Variants in UCK2 observed in about 807,000 individuals in gnomAD.
UCK2 encodes cytidine monophosphokinase 2.
A neutral mutation model predicts 30.8 loss-of-function variants in UCK2; 6 were observed. The observed-to-expected ratio is 0.19, with a 90% CI of 0.11 to 0.38. The LOEUF is 0.38. Among genes scored for constraint, UCK2 ranks in the 10% least tolerant of loss-of-function variants. The pLI is 1.00. For synonymous variants in UCK2, 125 were observed against 133.6 expected (o/e 0.94, Z 0.45); for missense variants, 210 against 339.8 (o/e 0.62, Z 3.00).
At position 165,836,914 on chromosome 1, in the gene UCK2, C is replaced by T. The variant is rs1039069094; in HGVS notation, c.99+8982C>T. Among the ~76,000 whole-genome samples, 7 of 152,142 alleles carry T rather than the reference C, an allele frequency of 4.6e-5. No individual in the cohort carries two copies. In the South Asian group the frequency reaches 1.0e-3, roughly 23 times the overall value. On this transcript the variant is annotated intron_variant, in intron 1 of 6. Transcript: ENST00000367879. Reference sequence around the variant, plus strand: ...CAAGATTGAGTGCCTGACACCTGGCCTTTTTGCTGTGTCATGGTCATCCCG... The same window carrying T: ...CAAGATTGAGTGCCTGACACCTGGCTTTTTTGCTGTGTCATGGTCATCCCG...
chr1:165,841,083 G>A (rs1654317274), intron 1 of UCK2, among the ~76,000 whole-genome samples: 1 of 140,168 alleles, frequency 7.1e-6, no homozygotes, highest in South Asian at 2.4e-4. Context: ...ATATATATTT[G>A]TGTGTGCACA....
intron 1 of UCK2, among the ~76,000 whole-genome samples, chr1:165,861,079 G>T (rs12121204): frequency 6.6e-6 from 1 of 151,804 alleles, no homozygotes; most frequent in South Asian, 2.1e-4. Context: ...TCTGGTGGGG[G>T]GCCCATTCTC....
intron 1 of UCK2, among the ~76,000 whole-genome samples, chr1:165,849,487 A>G (rs1252267877): frequency 6.6e-6 from 1 of 152,168 alleles, no homozygotes; most frequent in African/African-American, 2.4e-5. Flanking sequence ...TCTGGCCTCT[A>G]AGATTGAGAG....
intron 1 of UCK2, among the ~76,000 whole-genome samples, chr1:165,867,756 T>G (rs1003498629): frequency 3.3e-5 from 5 of 152,392 alleles, no homozygotes; most frequent in Admixed American, 1.3e-4. Context: ...CTTACTCCAC[T>G]GAAGTCTTGA....
chr1:165,865,762 A>G (rs1655030313), intron 1 of UCK2, among the ~76,000 whole-genome samples: 1 of 152,176 alleles, frequency 6.6e-6, no homozygotes, highest in Non-Finnish European at 1.5e-5. Flanking sequence ...CAGAGCTTGG[A>G]AGCCAGGGTC....
Position 165,827,894 on chromosome 1 carries a change from T to C in UCK2, c.61T>C (p.Phe21Leu). 6.8e-7 allele frequency: 1 copy of C among 1,475,974 alleles called. No homozygotes were observed. The highest frequency in any genetic ancestry group is 9.0e-7 in the Non-Finnish European group (1 of 1,106,214). 91.4% of individuals were successfully genotyped at this position (1,475,974 alleles called of 1,614,324 possible). A position where few individuals can be genotyped will look rare whatever the true frequency, so the allele number is the denominator to read the frequency against. ...NHQQPNGGEP[F>L]LIGVSGGTAS... ...CCAGCAGCCCAACGGCGGCGAGCCC[T>C]TCCTTATAGGCGTCAGCGGGGGAAC... The change falls in exon 1 of 7, where the codon TTC becomes CTC. Residue 21 changes from phenylalanine to leucine, a missense_variant. Transcript: ENST00000367879.
chr1:165,834,847 C>A (rs1457287407), intron 1 of UCK2, among the ~76,000 whole-genome samples: 2 of 152,144 alleles, frequency 1.3e-5, no homozygotes, highest in Non-Finnish European at 2.9e-5. Flanking sequence ...AGGTGACCAG[C>A]AGGCAGTACT....
intron 1 of UCK2, among the ~76,000 whole-genome samples, chr1:165,879,591 C>T (rs1244289338): frequency 1.7e-4 from 18 of 103,496 alleles, no homozygotes; most frequent in Non-Finnish European, 1.6e-4. Flanking sequence ...GTAGATTAGC[C>T]CTGAAAATTT....
At chr1:165,842,569 A>G (rs1248828064) in intron 1 of UCK2, among the ~76,000 whole-genome samples, 3 of 152,006 alleles carry the variant, frequency 2.0e-5, no homozygotes, top group South Asian at 2.1e-4. Context: ...GGTGCAGTCA[A>G]TCTTGCTTTC....
At chr1:165,884,612 G>A (rs1655575690) in intron 1 of UCK2, among the ~76,000 whole-genome samples, 1 of 152,160 alleles carries the variant, frequency 6.6e-6, no homozygotes, top group Non-Finnish European at 1.5e-5. Context: ...TACCCTGCTT[G>A]TTTTCTTTTA....
At position 165,911,587 on chromosome 1, in the gene UCK2, A is replaced by G. The variant is rs1647860642; in HGVS notation, c.*3764A>G. ...GTTACAAAGTGACCACATATTATGT[A>G]CTTTGCTGTAAATAAAGACAGACAA... On this transcript the variant is annotated 3_prime_UTR_variant, in exon 7 of 7. Transcript: ENST00000367879. 6.6e-6 allele frequency: 1 copy of G among 152,198 alleles called. No homozygotes were observed. The highest frequency in any genetic ancestry group is 2.4e-5 in the African/African-American group (1 of 41,436). 9.4% of individuals were successfully genotyped at this position (152,198 alleles called of 1,614,324 possible).
At chr1:165,865,965 A>G (rs1219122002) in intron 1 of UCK2, among the ~76,000 whole-genome samples, 1 of 152,148 alleles carries the variant, frequency 6.6e-6, no homozygotes, top group Non-Finnish European at 1.5e-5. Context: ...CAAACCAGTT[A>G]TTTGTTGTGT....
Position 165,907,701 on chromosome 1 carries a change from G to A in UCK2, c.664G>A (p.Val222Met), listed in dbSNP as rs768645050. 4 of 1,614,078 alleles carry A rather than the reference G, an allele frequency of 2.5e-6. No individual in the cohort carries two copies. Among genetic ancestry groups the A allele is most frequent in the Non-Finnish European group, 3.4e-6 (4 of 1,180,008 alleles). ...ADNLVAINLI[V>M]QHIQDILNGG... ...CCCCACAGTGGCCATCAACCTCATC[G>A]TGCAGCACATCCAGGACATCCTGAA... The change falls in exon 7 of 7, where the codon GTG (valine) becomes ATG (methionine). Residue 222 changes from valine to methionine, a missense_variant. By Grantham distance (21) the Val-to-Met change is conservative. This residue lies in a region of UCK2 where 47 missense variants were observed against 128.7 expected (regional missense o/e 0.37). Coordinates refer to ENST00000367879, the MANE Select transcript of UCK2 (RefSeq NM_012474.5).
chr1:165,854,355 C>T (rs1654674309), intron 1 of UCK2, among the ~76,000 whole-genome samples: 1 of 152,158 alleles, frequency 6.6e-6, no homozygotes, highest in East Asian at 1.9e-4. Context: ...CAAATTATGT[C>T]TGCTCCTTGG....
At chr1:165,901,606 G>A (rs1487980982) in intron 4 of UCK2, among the ~76,000 whole-genome samples, 2 of 152,198 alleles carry the variant, frequency 1.3e-5, no homozygotes, top group Non-Finnish European at 2.9e-5. Flanking sequence ...CACTGCAAAT[G>A]ATTGTAGATG....
intron 3 of UCK2, chr1:165,892,070 A>C (rs1655783928): frequency 6.7e-6 from 1 of 149,354 alleles, no homozygotes; most frequent in Non-Finnish European, 1.5e-5. Context: ...AGAGAGAGAG[A>C]ATGAGCATGC....
At chr1:165,856,517 TTTAA>T (rs1158944146) in intron 1 of UCK2, among the ~76,000 whole-genome samples, 1 of 149,058 alleles carries the variant, frequency 6.7e-6, no homozygotes, top group Non-Finnish European at 1.5e-5. Context: ...CCTCCCTCTT[TTTAA>T]CCACACTACC....
chr1:165,834,631 A>G (rs893656446), intron 1 of UCK2, among the ~76,000 whole-genome samples: 4 of 152,228 alleles, frequency 2.6e-5, no homozygotes, highest in African/African-American at 9.7e-5. Context: ...ATTTTGAACA[A>G]TGACAGAAGG....
At chr1:165,887,688 A>G (rs955624542) in intron 1 of UCK2, among the ~76,000 whole-genome samples, 4 of 152,166 alleles carry the variant, frequency 2.6e-5, no homozygotes, top group Non-Finnish European at 4.4e-5. Flanking sequence ...ACGTCCTAAG[A>G]TAGATGCCTG....
Sources: gnomAD v4.1 joint callset for allele counts (sites outside exome capture counted in the v4.1 genomes callset) on GRCh38, gnomAD v4.1.1 for gene constraint, gnomAD v4.1.1 regional missense constraint, MANE v1.5 for transcripts, NCBI Gene and HGNC (gene_info 2026-07-23, HGNC 2026-07-21) for gene names.